CDS2: variants seen among roughly 807,000 people sequenced by gnomAD.
CDS2 encodes the protein CDP-diacylglycerol synthase 2, also known as phosphatidate cytidylyltransferase 2.
A neutral mutation model predicts 59.0 loss-of-function variants in CDS2; 47 were observed. The ratio of observed to expected loss-of-function variants is 0.80; its 90% CI spans 0.63 to 1.02. The LOEUF is 1.02. CDS2 is among the 50% of genes least tolerant of loss of function. The pLI is 0.00. For missense variants in CDS2, 356 were observed against 558.9 expected (o/e 0.64, Z 3.66); for synonymous variants, 207 against 206.4 (o/e 1.00, Z -0.02).
At chr20:5,151,658 C>T (rs1423005919) in intron 1 of CDS2, among the ~76,000 whole-genome samples, 1 of 149,738 alleles carries the variant, frequency 6.7e-6, no homozygotes. Context: ...AGGTTGGTCT[C>T]GAACTCCTGC....
intron 1 of CDS2, among the ~76,000 whole-genome samples, chr20:5,127,992 G>C (rs972398542): frequency 6.6e-6 from 1 of 152,186 alleles, no homozygotes. Flanking sequence ...ATCAGACAGT[G>C]ATGTGTAGAA....
rs1173256524 is a variant in CDS2, at chr20:5,136,597, C to A, written c.57+9448C>A. Among the ~76,000 whole-genome samples, 9 of 152,106 alleles carry A rather than the reference C, an allele frequency of 5.9e-5. No individual in the cohort carries two copies. In the East Asian group the frequency reaches 1.7e-3, roughly 29 times the overall value. On this transcript the variant is annotated intron_variant, in intron 1 of 12. Coordinates refer to ENST00000460006, the MANE Select transcript of CDS2 (RefSeq NM_003818.4). ...GATTTATTGCTTGCCTTATTGTAAA[C>A]CCTGTGAATTGAGCTCCCTCCTGTT...
In CDS2 at chr20:5,176,761, C is replaced by T; in HGVS notation, c.389+16C>T. On this transcript the variant is annotated intron_variant, in intron 4 of 12. Coordinates refer to ENST00000460006, the MANE Select transcript of CDS2 (RefSeq NM_003818.4). ...CGCTCAGCTGGTAAGCTCTCCGGCCCCACAGAGGCTTTTAGAATTTGGATG... is the reference window on the plus strand; with the variant it reads ...CGCTCAGCTGGTAAGCTCTCCGGCCTCACAGAGGCTTTTAGAATTTGGATG... 6.3e-7 allele frequency: 1 copy of T among 1,578,894 alleles called. No individual in the cohort carries two copies.
At chr20:5,183,881 G>A (rs1315637139) in intron 7 of CDS2, among the ~76,000 whole-genome samples, 3 of 152,220 alleles carry the variant, frequency 2.0e-5, no homozygotes, top group Admixed American at 6.5e-5. Context: ...GTTAAAGGGC[G>A]GGCGCGGTGG....
intron 1 of CDS2, among the ~76,000 whole-genome samples, chr20:5,163,671 G>A (rs6053168): frequency 0.016 from 2,394 of 152,106 alleles, 66 homozygotes; most frequent in African/African-American, 0.054. Flanking sequence ...TTGGCCATTA[G>A]GAATGTTTCT....
intron 1 of CDS2, among the ~76,000 whole-genome samples, chr20:5,146,075 G>T (rs1012719503): frequency 1.3e-5 from 2 of 151,998 alleles, no homozygotes; most frequent in Non-Finnish European, 2.9e-5. Flanking sequence ...CTCCCACCTT[G>T]GCCTCTCAAA....
At position 5,192,805 on chromosome 20, in the gene CDS2, C is replaced by G. The variant is rs2091127324; in HGVS notation, c.*2571C>G. On this transcript the variant is annotated 3_prime_UTR_variant, in exon 13 of 13. Transcript: ENST00000460006. ...GCTTTCCAACTTGTATCCCTACATT[C>G]TCACAACAGCCTTCTTACCTCGGGT... The G allele has an allele frequency of 6.6e-6, 1 of 152,274 alleles. No homozygotes were observed. The highest frequency in any genetic ancestry group is 6.5e-5 in the Admixed American group (1 of 15,286). 9.4% of individuals were successfully genotyped at this position (152,274 alleles called of 1,614,324 possible). A position where few individuals can be genotyped will look rare whatever the true frequency, so the allele number is the denominator to read the frequency against.
At chr20:5,169,682 A>G (rs1246007690) in intron 1 of CDS2, among the ~76,000 whole-genome samples, 1 of 152,210 alleles carries the variant, frequency 6.6e-6, no homozygotes, top group African/African-American at 2.4e-5. Flanking sequence ...CATGGGAAAG[A>G]AAAGAAGAAT....
chr20:5,172,262 A>T (rs1315253536), intron 1 of CDS2, among the ~76,000 whole-genome samples: 2 of 152,190 alleles, frequency 1.3e-5, no homozygotes, highest in Non-Finnish European at 2.9e-5. Flanking sequence ...CAGCGCTGAG[A>T]GGGAGAAGGT....
intron 1 of CDS2, among the ~76,000 whole-genome samples, chr20:5,140,946 A>G (rs2090688555): frequency 1.3e-5 from 2 of 152,182 alleles, no homozygotes; most frequent in South Asian, 4.1e-4. Context: ...TTCTTTTTCC[A>G]TGTCTGTGAT....
At chr20:5,152,138 T>G (rs2090797431) in intron 1 of CDS2, among the ~76,000 whole-genome samples, 1 of 151,916 alleles carries the variant, frequency 6.6e-6, no homozygotes, top group East Asian at 1.9e-4. Flanking sequence ...ATACGCATCG[T>G]TGGTGACATT....
At chr20:5,135,654 G>C (rs2090644546) in intron 1 of CDS2, among the ~76,000 whole-genome samples, 1 of 152,108 alleles carries the variant, frequency 6.6e-6, no homozygotes, top group South Asian at 2.1e-4. Flanking sequence ...GTCCCCACCG[G>C]GCAGCTTCCT....
chr20:5,173,709 C>T (rs953304379), intron 2 of CDS2, 50 bp downstream of exon 2: 28 of 1,606,196 alleles, frequency 1.7e-5, no homozygotes, highest in Non-Finnish European at 2.3e-5. Context: ...TGCACCATGT[C>T]CAAGTGCCCT....
intron 1 of CDS2, among the ~76,000 whole-genome samples, chr20:5,153,216 G>A (rs1568533327): frequency 6.6e-6 from 1 of 152,104 alleles, no homozygotes; most frequent in Non-Finnish European, 1.5e-5. Flanking sequence ...TGATATATTC[G>A]GAAGTTTTCT....
At chr20:5,185,876 A>G in intron 9 of CDS2, 50 bp downstream of exon 9, 1 of 1,531,572 alleles carries the variant, frequency 6.5e-7, no homozygotes. Context: ...CAGAGGCCTC[A>G]TACCACCTTC....
rs1213995782 is a variant in CDS2 at position 5,190,650 on chromosome 20, A to C, written c.*416A>C. The stretch of plus-strand genomic sequence containing the variant: ...AGGGGACTTCCCCACCTGTGGTGGG[A>C]GGCACAGCTTAGATGTTTTGTACAC... On this transcript the variant is annotated 3_prime_UTR_variant, in exon 13 of 13. Coordinates refer to ENST00000460006, the MANE Select transcript of CDS2 (RefSeq NM_003818.4). 1.3e-5 allele frequency: 2 copies of C among 152,984 alleles called. No homozygotes were observed. Among genetic ancestry groups the C allele is most frequent in the African/African-American group, 4.8e-5 (2 of 41,362 alleles). The allele number at this position is 152,984 out of a possible 1,614,324, so 9.5% of individuals were successfully genotyped here. A position where few individuals can be genotyped will look rare whatever the true frequency, so the allele number is the denominator to read the frequency against.
At chr20:5,167,195 A>G (rs1257574972) in intron 1 of CDS2, among the ~76,000 whole-genome samples, 3 of 152,214 alleles carry the variant, frequency 2.0e-5, no homozygotes, top group Non-Finnish European at 4.4e-5. Context: ...GCTCACAGCC[A>G]GTTAGGTTTT....
intron 1 of CDS2, among the ~76,000 whole-genome samples, chr20:5,136,410 A>T (rs555398107): frequency 6.6e-6 from 1 of 152,214 alleles, no homozygotes; most frequent in South Asian, 2.1e-4. Context: ...GTGACTTGGA[A>T]TCCTTATCTG....
chr20:5,137,866 T>C (rs2090660689), intron 1 of CDS2, among the ~76,000 whole-genome samples: 1 of 151,624 alleles, frequency 6.6e-6, no homozygotes, highest in African/African-American at 2.4e-5. Flanking sequence ...TGGCACGATC[T>C]CGGCTCACTC....
Sources: allele counts gnomAD v4.1 joint callset (sites outside exome capture counted in the v4.1 genomes callset), GRCh38; gene constraint gnomAD v4.1.1; transcripts MANE v1.5; gene names NCBI Gene and HGNC (gene_info 2026-07-23, HGNC 2026-07-21).